The following DNAJC6 variants were observed in gnomAD, a reference collection of about 807,000 sequenced individuals.
DNAJC6 encodes the protein auxilin.
In DNAJC6, 34 loss-of-function variants were observed where a neutral mutation model predicts 110.0. The observed-to-expected ratio is 0.31, with a 90% CI of 0.24 to 0.41. DNAJC6 has a LOEUF of 0.41. DNAJC6 is among the 10% of genes least tolerant of loss of function. The probability of loss-of-function intolerance (pLI) is 1.00; values close to 1 mark genes in which losing one functional copy is unlikely to be tolerated. For missense variants in DNAJC6, 1,031 were observed against 1,207.8 expected (o/e 0.85, Z 2.17); for synonymous variants, 406 against 437.2 (o/e 0.93, Z 0.89).
intron 1 of DNAJC6, among the ~76,000 whole-genome samples, chr1:65,293,228 C>G (rs1195717294): frequency 6.6e-6 from 1 of 152,176 alleles, no homozygotes; most frequent in East Asian, 1.9e-4. Context: ...CTATGAGGAC[C>G]CTTATCCTGG....
intron 1 of DNAJC6, among the ~76,000 whole-genome samples, chr1:65,327,701 A>C (rs1377230639): frequency 6.6e-6 from 1 of 152,216 alleles, no homozygotes; most frequent in Non-Finnish European, 1.5e-5. Flanking sequence ...TTTATTACAT[A>C]ATTATTTATA....
chr1:65,341,772 C>T (rs940535905), intron 1 of DNAJC6, among the ~76,000 whole-genome samples: 1 of 150,352 alleles, frequency 6.7e-6, no homozygotes, highest in Middle Eastern at 3.4e-3. Flanking sequence ...GCTATTGACC[C>T]TAAAGGCTGT....
intron 1 of DNAJC6, among the ~76,000 whole-genome samples, chr1:65,294,080 A>G (rs1336579568): frequency 6.6e-6 from 1 of 152,236 alleles, no homozygotes; most frequent in African/African-American, 2.4e-5. Context: ...AAGAAAAAGC[A>G]ATGAAAGGAC....
rs1645867120 is a variant in DNAJC6, at chr1:65,385,899, C to T, written c.988C>T (p.Arg330Ter). 4 of 1,600,054 alleles carry T rather than the reference C, an allele frequency of 2.5e-6. No homozygotes were observed. Among genetic ancestry groups the T allele is most frequent in the South Asian group, 1.1e-5 (1 of 89,926 alleles). ...ATATTCGACTTGCACAGATTTTGAA[C>T]GAATGAAGTAAGTCATGATACTTTA... ...KIYSTCTDFE[R>*]MKEYRVQDGK... The change falls in exon 7 of 19, where the codon CGA (arginine) becomes TGA (stop). Residue 330 changes from arginine to a stop codon, truncating the protein, a stop_gained. Transcript: ENST00000371069. LOFTEE classifies it high-confidence loss of function.
At chr1:65,399,344 T>G (rs558259862) in intron 14 of DNAJC6, among the ~76,000 whole-genome samples, 1 of 152,304 alleles carries the variant, frequency 6.6e-6, no homozygotes, top group South Asian at 2.1e-4. Flanking sequence ...AGTACTTACT[T>G]CAGGGTGGGA....
At chr1:65,318,089 G>A (rs1645163963) in intron 1 of DNAJC6, among the ~76,000 whole-genome samples, 1 of 152,142 alleles carries the variant, frequency 6.6e-6, no homozygotes. Context: ...GCTTGAGGAG[G>A]TTGGACTTTA....
intron 1 of DNAJC6, among the ~76,000 whole-genome samples, chr1:65,310,783 T>C (rs1175660822): frequency 6.6e-6 from 1 of 152,224 alleles, no homozygotes; most frequent in African/African-American, 2.4e-5. Flanking sequence ...AGTATTATTA[T>C]AGCTATTTGC....
intron 1 of DNAJC6, among the ~76,000 whole-genome samples, chr1:65,302,572 A>G (rs1256377059): frequency 8.9e-6 from 1 of 112,072 alleles, no homozygotes. Flanking sequence ...TCTGTCGCCC[A>G]GGCCGGACTG....
chr1:65,412,974 C>T lies in DNAJC6; in HGVS notation c.2862C>T (p.Leu954=), dbSNP rs1413357585. The change falls in exon 19 of 19, where the codon CTC becomes CTT. Residue 954 remains leucine (L), a synonymous_variant. Coordinates refer to ENST00000371069, the MANE Select transcript of DNAJC6 (RefSeq NM_001256864.2). ...EQYAKMIFME[L]NDAWSEFENQ... Reference sequence around the variant, plus strand: ...ACGCAAAGATGATTTTCATGGAGCTCAATGATGCCTGGTCTGAATTTGAAA... The same window carrying T: ...ACGCAAAGATGATTTTCATGGAGCTTAATGATGCCTGGTCTGAATTTGAAA... 1 of 1,613,948 alleles carries T rather than the reference C, an allele frequency of 6.2e-7. No homozygotes were observed. The highest frequency in any genetic ancestry group is 1.3e-5 in the African/African-American group (1 of 74,896).
rs545846198 is a variant in DNAJC6, at chr1:65,367,560, C to T, written c.543+1364C>T. Among the ~76,000 whole-genome samples, 4 of 152,202 alleles carry T rather than the reference C, an allele frequency of 2.6e-5. No individual in the cohort carries two copies. The East Asian group carries it at 7.7e-4, about 29-fold the overall frequency. On this transcript the variant is annotated intron_variant, in intron 4 of 18. Transcript: ENST00000371069. Reference sequence around the variant, plus strand: ...TGCCATTATTTTCATAATTTAAGGACTGTGGAACATCCTACACAATATTTC... The same window carrying T: ...TGCCATTATTTTCATAATTTAAGGATTGTGGAACATCCTACACAATATTTC...
chr1:65,272,306 A>T (rs1653531481), intron 1 of DNAJC6, among the ~76,000 whole-genome samples: 1 of 152,238 alleles, frequency 6.6e-6, no homozygotes, highest in South Asian at 2.1e-4. Flanking sequence ...TATTATGTGC[A>T]TCATATGATT....
intron 1 of DNAJC6, among the ~76,000 whole-genome samples, chr1:65,317,884 T>C (rs1022365628): frequency 6.6e-6 from 1 of 152,212 alleles, no homozygotes; most frequent in African/African-American, 2.4e-5. Context: ...ACAGTGGAAG[T>C]TGATATTTGA....
intron 1 of DNAJC6, among the ~76,000 whole-genome samples, chr1:65,362,192 G>A (rs1645604481): frequency 3.1e-5 from 1 of 32,744 alleles, no homozygotes; most frequent in African/African-American, 3.1e-4. Context: ...CCTTAGACAA[G>A]TTTCTTAACG....
intron 1 of DNAJC6, among the ~76,000 whole-genome samples, chr1:65,360,850 C>T (rs1645590437): frequency 6.6e-6 from 1 of 152,096 alleles, no homozygotes; most frequent in Non-Finnish European, 1.5e-5. Context: ...GCCTGGCATG[C>T]AGTGATTTAT....
chr1:65,280,521 C>T (rs11208619), intron 1 of DNAJC6, among the ~76,000 whole-genome samples: 4,967 of 152,234 alleles, frequency 0.033, 263 homozygotes, highest in African/African-American at 0.11. Context: ...TAATTCATAT[C>T]CCTGGGTAAA....
intron 1 of DNAJC6, among the ~76,000 whole-genome samples, chr1:65,290,760 C>CT (rs1300895292): frequency 6.6e-6 from 1 of 152,084 alleles, no homozygotes; most frequent in Non-Finnish European, 1.5e-5. Context: ...AGCATCATGA[C>CT]TATCTAAATG....
intron 1 of DNAJC6, among the ~76,000 whole-genome samples, chr1:65,341,098 G>A (rs574055928): frequency 1.3e-5 from 2 of 152,230 alleles, no homozygotes; most frequent in African/African-American, 2.4e-5. Context: ...AGCCTGTTTA[G>A]CAAGGTCCTT....
chr1:65,410,566 T>TAA (rs1646119137), intron 17 of DNAJC6, among the ~76,000 whole-genome samples: 1 of 152,224 alleles, frequency 6.6e-6, no homozygotes, highest in Admixed American at 6.5e-5. Flanking sequence ...GACTAAACCA[T>TAA]TCATCCAGCA....
chr1:65,269,694 CTGAG>C (rs1341206600), intron 1 of DNAJC6, among the ~76,000 whole-genome samples: 3 of 152,170 alleles, frequency 2.0e-5, no homozygotes, highest in South Asian at 2.1e-4. Flanking sequence ...CTGTAAATGA[CTGAG>C]TGACTTCTCA....
Sources: gnomAD v4.1 joint callset for allele counts (sites outside exome capture counted in the v4.1 genomes callset) on GRCh38, gnomAD v4.1.1 for gene constraint, MANE v1.5 for transcripts, NCBI Gene and HGNC (gene_info 2026-07-23, HGNC 2026-07-21) for gene names.